The following ABCA12 variants were observed in gnomAD, a reference collection of about 807,000 sequenced individuals.
ABCA12 encodes the protein glucosylceramide transporter ABCA12.
In ABCA12, 156 loss-of-function variants were observed where a neutral mutation model predicts 293.5. The ratio of observed to expected loss-of-function variants is 0.53; its 90% CI spans 0.47 to 0.61. The LOEUF is 0.61. Among genes scored for constraint, ABCA12 ranks in the 20% least tolerant of loss-of-function variants. The pLI is 0.00. For missense variants in ABCA12, 2,797 were observed against 3,090.2 expected (o/e 0.91, Z 2.25); for synonymous variants, 1,063 against 1,108.0 (o/e 0.96, Z 0.81).
intron 11 of ABCA12, chr2:215,023,746 A>T (rs888049234): frequency 3.9e-5 from 6 of 152,232 alleles, no homozygotes; most frequent in Non-Finnish European, 8.8e-5. Flanking sequence ...TAATTTCATC[A>T]GCTTAAACTC....
intron 1 of ABCA12, among the ~76,000 whole-genome samples, chr2:215,120,363 CT>C (rs1197672349): frequency 3.3e-5 from 5 of 151,944 alleles, no homozygotes; most frequent in African/African-American, 1.2e-4. Context: ...TCTAACAATC[CT>C]GCACATATAC....
intron 1 of ABCA12, among the ~76,000 whole-genome samples, chr2:215,118,419 TAA>T (rs1219069611): frequency 1.3e-5 from 2 of 151,840 alleles, no homozygotes; most frequent in Non-Finnish European, 2.9e-5. Context: ...AATTAATTAA[TAA>T]AAAAAGAATG....
chr2:214,973,894 T>C (rs1482254909), intron 36 of ABCA12, 55 bp downstream of exon 36: 1 of 1,444,718 alleles, frequency 6.9e-7, no homozygotes, highest in Non-Finnish European at 9.7e-7. Flanking sequence ...CTTTCGAGCT[T>C]TCGATATTTA....
intron 1 of ABCA12, among the ~76,000 whole-genome samples, chr2:215,125,624 T>A (rs1702905688): frequency 6.6e-6 from 1 of 152,192 alleles, no homozygotes; most frequent in Non-Finnish European, 1.5e-5. Flanking sequence ...AGAGAAGAGC[T>A]ACTGATTTTT....
intron 30 of ABCA12, among the ~76,000 whole-genome samples, chr2:214,981,971 TA>T (rs1310938160): frequency 1.4e-4 from 19 of 134,614 alleles, no homozygotes; most frequent in Middle Eastern, 4.0e-3. Context: ...TTATTATTAT[TA>T]TTATTATTAT....
At chr2:214,979,828 G>A (rs1699607343) in intron 31 of ABCA12, among the ~76,000 whole-genome samples, 1 of 152,124 alleles carries the variant, frequency 6.6e-6, no homozygotes, top group African/African-American at 2.4e-5. Context: ...GTAAGTCACA[G>A]GAGGATTAGA....
intron 17 of ABCA12, among the ~76,000 whole-genome samples, 155 bp from the exon 18 acceptor site, chr2:215,010,625 T>A (rs993440225): frequency 2.0e-5 from 3 of 152,136 alleles, no homozygotes; most frequent in African/African-American, 7.2e-5. Context: ...GGTGTCAAAG[T>A]AAGAAAGCAC....
intron 2 of ABCA12, among the ~76,000 whole-genome samples, chr2:215,094,004 G>C (rs55901020): frequency 6.6e-6 from 1 of 152,260 alleles, no homozygotes; most frequent in Middle Eastern, 3.4e-3. Flanking sequence ...CTATGCTATA[G>C]TATCTTCCAT....
chr2:215,057,031 GA>G (rs1380384102), intron 3 of ABCA12, among the ~76,000 whole-genome samples: 3 of 151,954 alleles, frequency 2.0e-5, no homozygotes, highest in Non-Finnish European at 4.4e-5. Flanking sequence ...ACATCTTTAG[GA>G]AAAGCTGCCA....
intron 50 of ABCA12, among the ~76,000 whole-genome samples, chr2:214,939,864 TGAG>T (rs1042694550): frequency 1.3e-5 from 2 of 152,220 alleles, no homozygotes; most frequent in African/African-American, 2.4e-5. Context: ...GATTTGGGGC[TGAG>T]AAGATGGGGT....
chr2:214,959,603 C>A (rs1699057417), intron 39 of ABCA12, among the ~76,000 whole-genome samples: 1 of 152,088 alleles, frequency 6.6e-6, no homozygotes, highest in Non-Finnish European at 1.5e-5. Context: ...TTCTAAGATG[C>A]TTATTTTTCT....
chr2:215,137,525 C>A (rs779915654), intron 1 of ABCA12, among the ~76,000 whole-genome samples: 1 of 152,116 alleles, frequency 6.6e-6, no homozygotes, highest in Admixed American at 6.6e-5. Flanking sequence ...AAAGACGTTG[C>A]AATGAGCAAG....
intron 19 of ABCA12, among the ~76,000 whole-genome samples, chr2:215,006,580 A>G (rs1345990667): frequency 1.3e-5 from 2 of 152,158 alleles, no homozygotes; most frequent in East Asian, 3.9e-4. Context: ...TTTTCTGACC[A>G]TCTCATATCA....
rs11890468 is a variant in ABCA12 at position 215,045,888 on chromosome 2, T to C, written c.821A>G (p.Gln274Arg). 10,596 of 1,613,578 alleles carry C rather than the reference T, an allele frequency of 6.6e-3. 570 individuals carry two copies. The African/African-American group carries it at 0.12, about 18-fold the overall frequency. Reference sequence around the variant, plus strand: ...TAGATTGCTTAGTGATGTGTCATTCTGAAACACATTTGGAAAACTAGACAG... The same window carrying C: ...TAGATTGCTTAGTGATGTGTCATTCCGAAACACATTTGGAAAACTAGACAG... ...QLLSSFPNVF[Q>R]NDTSLSNLFD... Residue 274 changes from glutamine (Q) to arginine (R), a missense_variant, in exon 7 of 53, where the codon CAG (glutamine) becomes CGG (arginine). Around this residue, in one of 3 missense-constraint regions of ABCA12, gnomAD observed 656 missense variants for 638.2 expected, o/e 1.03. Coordinates refer to ENST00000272895, the MANE Select transcript of ABCA12 (RefSeq NM_173076.3).
intron 19 of ABCA12, among the ~76,000 whole-genome samples, chr2:215,006,927 G>A (rs1299413286): frequency 1.5e-5 from 2 of 133,458 alleles, no homozygotes; most frequent in African/African-American, 5.6e-5. Flanking sequence ...CCAGGCTGGA[G>A]TGCAGTGGCG....
chr2:215,020,616 G>A (rs28503894), intron 11 of ABCA12: 23,697 of 152,216 alleles, frequency 0.16, 3,616 homozygotes, highest in African/African-American at 0.39. Flanking sequence ...GTACAACAAT[G>A]TGAATGTACT....
At chr2:215,070,444 T>C (rs560704263) in intron 2 of ABCA12, among the ~76,000 whole-genome samples, 1 of 152,146 alleles carries the variant, frequency 6.6e-6, no homozygotes, top group Admixed American at 6.5e-5. Context: ...GTTAGTTACA[T>C]ATGTATACAT....
At chr2:215,066,777 C>T (rs1250909790) in intron 2 of ABCA12, among the ~76,000 whole-genome samples, 1 of 152,084 alleles carries the variant, frequency 6.6e-6, no homozygotes, top group African/African-American at 2.4e-5. Flanking sequence ...AACAGAGTGC[C>T]ATGCAGAGCA....
At chr2:214,942,849 T>C in intron 50 of ABCA12, 76 bp downstream of exon 50, 1 of 1,304,350 alleles carries the variant, frequency 7.7e-7, no homozygotes, top group Non-Finnish European at 1.1e-6. Context: ...GCTGCTGAGA[T>C]AATCCTTGAA....
Sources: allele counts gnomAD v4.1 joint callset (sites outside exome capture counted in the v4.1 genomes callset), GRCh38; gene constraint gnomAD v4.1.1; regional missense constraint gnomAD v4.1.1; transcripts MANE v1.5; gene names NCBI Gene and HGNC (gene_info 2026-07-23, HGNC 2026-07-21).